Variants in GPR158 observed in about 807,000 individuals in gnomAD.
GPR158 encodes the protein G protein-coupled receptor 158.
A neutral mutation model predicts 78.2 loss-of-function variants in GPR158; 30 were observed. The ratio of observed to expected loss-of-function variants is 0.38; its 90% confidence interval spans 0.29 to 0.52. GPR158 has a LOEUF of 0.52. Ranked by LOEUF, GPR158 falls within the 20% of genes least tolerant of loss-of-function variation. The probability of loss-of-function intolerance (pLI) is 0.83; values close to 1 mark genes in which losing one functional copy is unlikely to be tolerated. For missense variants in GPR158, 1,463 were observed against 1,523.5 expected (o/e 0.96, Z 0.66); for synonymous variants, 581 against 591.1 (o/e 0.98, Z 0.25).
intron 1 of GPR158, among the ~76,000 whole-genome samples, chr10:25,181,522 A>G (rs1246307737): frequency 6.6e-6 from 1 of 152,176 alleles, no homozygotes; most frequent in Admixed American, 6.5e-5. Context: ...GGGTCATGGT[A>G]GAAATACTGG....
chr10:25,563,226 C>T (rs1045028588), intron 6 of GPR158, among the ~76,000 whole-genome samples: 1 of 151,854 alleles, frequency 6.6e-6, no homozygotes, highest in Non-Finnish European at 1.5e-5. Context: ...ACCATTTCTA[C>T]CTTTTAGTTT....
intron 2 of GPR158, among the ~76,000 whole-genome samples, chr10:25,225,043 A>T (rs1233733240): frequency 6.6e-6 from 1 of 152,114 alleles, no homozygotes; most frequent in Non-Finnish European, 1.5e-5. Flanking sequence ...TCACTTGAAA[A>T]GACTTTCTCA....
At chr10:25,543,137 T>TTC (rs2130705292) in intron 5 of GPR158, among the ~76,000 whole-genome samples, 1 of 152,298 alleles carries the variant, frequency 6.6e-6, no homozygotes, top group East Asian at 1.9e-4. Flanking sequence ...TTTTTATTTT[T>TTC]TGAGATGGAA....
chr10:25,484,677 G>A (rs1835708802), intron 5 of GPR158, among the ~76,000 whole-genome samples: 1 of 152,140 alleles, frequency 6.6e-6, no homozygotes, highest in African/African-American at 2.4e-5. Flanking sequence ...TCTGAAAAGG[G>A]TGAAGTATCA....
intron 4 of GPR158, among the ~76,000 whole-genome samples, chr10:25,439,676 C>G (rs781079390): frequency 1.1e-4 from 17 of 152,086 alleles, no homozygotes; most frequent in African/African-American, 3.9e-4. Flanking sequence ...TAGGAGCCAT[C>G]CTTGAGGATG....
intron 1 of GPR158, among the ~76,000 whole-genome samples, chr10:25,192,129 G>T (rs936178219): frequency 2.6e-5 from 4 of 152,132 alleles, no homozygotes; most frequent in African/African-American, 9.7e-5. Context: ...ATTGGATCGT[G>T]GGGGCAGCTT....
chr10:25,339,616 T>C (rs1402776563), intron 2 of GPR158, among the ~76,000 whole-genome samples: 2 of 152,218 alleles, frequency 1.3e-5, no homozygotes, highest in East Asian at 1.9e-4. Context: ...TATTTCAACA[T>C]TGATTATGAT....
chr10:25,226,461 G>A (rs974076562), intron 2 of GPR158, among the ~76,000 whole-genome samples: 1 of 152,152 alleles, frequency 6.6e-6, no homozygotes, highest in Non-Finnish European at 1.5e-5. Flanking sequence ...CTTAAAATGA[G>A]TTTTGGCTTA....
intron 4 of GPR158, among the ~76,000 whole-genome samples, chr10:25,447,097 A>G (rs1370390278): frequency 6.6e-6 from 1 of 152,230 alleles, no homozygotes; most frequent in Non-Finnish European, 1.5e-5. Flanking sequence ...ACTCATATCA[A>G]TTGAATTGAA....
At chr10:25,204,712 C>T (rs1394643097) in intron 1 of GPR158, among the ~76,000 whole-genome samples, 1 of 150,796 alleles carries the variant, frequency 6.6e-6, no homozygotes. Flanking sequence ...GTCTAAAATT[C>T]TCTTTTTTTG....
intron 2 of GPR158, among the ~76,000 whole-genome samples, chr10:25,327,625 G>A (rs992958554): frequency 6.6e-6 from 1 of 152,108 alleles, no homozygotes; most frequent in African/African-American, 2.4e-5. Context: ...AGGGAAGACA[G>A]GAGCAATGAA....
chr10:25,205,132 C>T (rs1221989399), intron 1 of GPR158, among the ~76,000 whole-genome samples: 16 of 152,156 alleles, frequency 1.1e-4, no homozygotes, highest in African/African-American at 3.6e-4. Context: ...GTGAGGCCTC[C>T]CCAGCCATGT....
chr10:25,257,136 A>T (rs941464406), intron 2 of GPR158, among the ~76,000 whole-genome samples: 21 of 152,316 alleles, frequency 1.4e-4, no homozygotes, highest in Admixed American at 1.4e-3. Flanking sequence ...TCTGGTGAGG[A>T]TCATCCCACA....
intron 2 of GPR158, among the ~76,000 whole-genome samples, chr10:25,375,123 A>G (rs1434746039): frequency 6.6e-6 from 1 of 151,518 alleles, no homozygotes; most frequent in South Asian, 2.1e-4. Context: ...TTTAATTTAC[A>G]TTTCCCTACT....
At chr10:25,369,661 G>A (rs10828781) in intron 2 of GPR158, among the ~76,000 whole-genome samples, 100,021 of 151,378 alleles carry the variant, frequency 0.66, 34,151 homozygotes, top group Non-Finnish European at 0.75. Flanking sequence ...CAGCTTTGCT[G>A]TCAGGATGAT....
intron 4 of GPR158, among the ~76,000 whole-genome samples, chr10:25,449,814 T>C (rs1421913130): frequency 3.3e-5 from 5 of 152,156 alleles, no homozygotes; most frequent in African/African-American, 1.2e-4. Context: ...TATACAGATA[T>C]CAAAACTTGT....
chr10:25,513,890 T>C (rs914593053), intron 5 of GPR158, among the ~76,000 whole-genome samples: 3 of 152,168 alleles, frequency 2.0e-5, no homozygotes, highest in African/African-American at 7.2e-5. Flanking sequence ...GAGTACTTGA[T>C]ATAATATCAA....
intron 2 of GPR158, among the ~76,000 whole-genome samples, chr10:25,304,386 A>C (rs1854638174): frequency 6.6e-6 from 1 of 151,862 alleles, no homozygotes. Flanking sequence ...AAGATATGTT[A>C]CCCCTTTTAT....
At chr10:25,331,193 G>C (rs113704149) in intron 2 of GPR158, among the ~76,000 whole-genome samples, 9,836 of 152,216 alleles carry the variant, frequency 0.065, 661 homozygotes, top group African/African-American at 0.17. Flanking sequence ...TCCAGCCTCA[G>C]CCTCCCAAAG....
Sources: allele counts gnomAD v4.1 joint callset (sites outside exome capture counted in the v4.1 genomes callset), GRCh38; gene constraint gnomAD v4.1.1; transcripts MANE v1.5; gene names NCBI Gene and HGNC (gene_info 2026-07-23, HGNC 2026-07-21).